Variants in PRR5 observed in about 807,000 individuals in gnomAD.
The protein encoded by PRR5 is proline-rich protein 5.
In PRR5, 25 loss-of-function variants were observed where a neutral mutation model predicts 30.6. That is an observed-to-expected ratio of 0.82 (90% CI 0.60 to 1.14). PRR5 has a LOEUF of 1.14. PRR5 is among the 50% of genes most tolerant of loss of function. The pLI, the probability that PRR5 is intolerant of heterozygous loss-of-function variation, is 0.00. For synonymous variants in PRR5, 286 were observed against 247.1 expected (o/e 1.16, Z -1.48); for missense variants, 600 against 547.1 (o/e 1.10, Z -0.96).
At chr22:44,720,230 T>TG (rs2147106878) in intron 2 of PRR5, among the ~76,000 whole-genome samples, 1 of 152,382 alleles carries the variant, frequency 6.6e-6, no homozygotes, top group African/African-American at 2.4e-5. Context: ...AGGTCTCACG[T>TG]GCAGGCCAGA....
In PRR5 at chr22:44,737,273, T is replaced by A. The variant is rs1265730163; in HGVS notation, c.*26T>A. The A allele has an allele frequency of 3.8e-6, 6 of 1,575,014 alleles. No homozygotes were observed. The highest frequency in any genetic ancestry group is 3.5e-6 in the Non-Finnish European group (4 of 1,156,536). ...GGCCTCACAGCTGGCCTTGAGTTTT[T>A]ACTGACACGTCCCTGTGTGCGGGGG... On this transcript the variant is annotated 3_prime_UTR_variant, in exon 8 of 8. Coordinates refer to ENST00000336985, the MANE Select transcript of PRR5 (RefSeq NM_181333.4).
chr22:44,731,210 CACCT>C, intron 4 of PRR5: 1 of 265,328 alleles, frequency 3.8e-6, no homozygotes, highest in South Asian at 4.3e-5. Flanking sequence ...GTGTAGGTCT[CACCT>C]GTGCCAGGTG....
At chr22:44,690,732 T>C (rs1156719072) in intron 1 of PRR5, among the ~76,000 whole-genome samples, 2 of 152,010 alleles carry the variant, frequency 1.3e-5, no homozygotes, top group Non-Finnish European at 2.9e-5. Context: ...TTATTATCAC[T>C]GAAAAAATAA....
chr22:44,715,743 C>G (rs901482496), intron 2 of PRR5, among the ~76,000 whole-genome samples: 14 of 152,144 alleles, frequency 9.2e-5, no homozygotes, highest in African/African-American at 3.4e-4. Flanking sequence ...ACCTCTGCCT[C>G]CTGGGCTGAA....
At chr22:44,681,086 C>T (rs569710975) in intron 1 of PRR5, among the ~76,000 whole-genome samples, 5 of 152,210 alleles carry the variant, frequency 3.3e-5, no homozygotes, top group African/African-American at 7.2e-5. Context: ...TCTTCTCTCT[C>T]GGCCCCTGCA....
At chr22:44,732,970 TAC>T (rs138741533) in intron 6 of PRR5, among the ~76,000 whole-genome samples, 65 of 149,214 alleles carry the variant, frequency 4.4e-4, no homozygotes, top group East Asian at 7.9e-4. Context: ...TGCACACGCA[TAC>T]ACACTACACA....
Position 44,737,513 on chromosome 22 carries a change from C to T in PRR5, c.*266C>T, listed in dbSNP as rs942512834. ...CGGGGGTCGGCCGCTCGCTCCCACG[C>T]TCCTCCTGCCCCAGCCCTCTGGTGT... On this transcript the variant is annotated 3_prime_UTR_variant, in exon 8 of 8. Transcript: ENST00000336985. 14 of 534,870 alleles carry T rather than the reference C, an allele frequency of 2.6e-5. No homozygotes were observed. The highest frequency in any genetic ancestry group is 4.3e-5 in the Non-Finnish European group (14 of 323,050). The allele number at this position is 534,870 out of a possible 1,614,324, so 33.1% of individuals were successfully genotyped here.
At position 44,697,167 on chromosome 22, in the gene PRR5, G is replaced by C. The variant is rs180757113; in HGVS notation, c.-10-5325G>C. 1.9e-3 allele frequency among the ~76,000 whole-genome samples: 291 copies of C among 152,318 alleles called. 1 individual carries two copies. The highest frequency in any genetic ancestry group is 6.8e-3 in the African/African-American group (282 of 41,566). On this transcript the variant is annotated intron_variant, in intron 1 of 8. Coordinates refer to the PRR5 transcript ENST00000006251. ...CTCAGTTTCCCCAGTCGTGAAATGG[G>C]AATAATAACAGTTGATCCTGGCTCC...
At chr22:44,718,461 C>G (rs1174218422) in intron 2 of PRR5, among the ~76,000 whole-genome samples, 1 of 152,168 alleles carries the variant, frequency 6.6e-6, no homozygotes, top group Non-Finnish European at 1.5e-5. Context: ...TCCCAAAGTG[C>G]TGGGGTTACA....
At chr22:44,673,253 C>G (rs1373601538), upstream of PRR5, among the ~76,000 whole-genome samples, 1 of 152,228 alleles carries the variant, frequency 6.6e-6, no homozygotes, top group Non-Finnish European at 1.5e-5. Context: ...CTTACAGCCC[C>G]TTTGAGTCTG....
chr22:44,707,074 C>T (rs1927330853), intron 1 of PRR5, among the ~76,000 whole-genome samples: 1 of 152,154 alleles, frequency 6.6e-6, no homozygotes. Flanking sequence ...CCTGCCATAC[C>T]CCTGGCACCC....
At chr22:44,727,645 C>T (rs1346591619) in intron 4 of PRR5, among the ~76,000 whole-genome samples, 1 of 152,208 alleles carries the variant, frequency 6.6e-6, no homozygotes, top group Non-Finnish European at 1.5e-5. Context: ...GTCCCGAACC[C>T]ATACTCTTCA....
intron 1 of PRR5, among the ~76,000 whole-genome samples, chr22:44,688,159 G>A (rs1052873735): frequency 6.7e-5 from 10 of 150,224 alleles, no homozygotes; most frequent in African/African-American, 1.5e-4. Context: ...TGAGGCAGGC[G>A]TATCACTTGA....
chr22:44,679,591 C>T (rs1197015539), intron 1 of PRR5: 10 of 458,510 alleles, frequency 2.2e-5, no homozygotes, highest in African/African-American at 5.9e-5. Flanking sequence ...CCTGTAATCC[C>T]GGCTACTCGG....
rs61604082 is a variant in PRR5 at position 44,693,795 on chromosome 22, A to ATTTTTTTTTTTTTTTTTT, written c.-10-8694_-10-8677dup. Among the ~76,000 whole-genome samples the ATTTTTTTTTTTTTTTTTT allele has an allele frequency of 2.2e-3, 179 of 79,592 alleles. 2 individuals are homozygous for ATTTTTTTTTTTTTTTTTT. The highest frequency in any genetic ancestry group is 3.0e-3 in the African/African-American group (56 of 18,488). 52.2% of individuals were successfully genotyped at this position (79,592 alleles called of 152,430 possible). A position where few individuals can be genotyped will look rare whatever the true frequency, so the allele number is the denominator to read the frequency against. Reference sequence around the variant, plus strand: ...CAGGCGCCTGCCACCACACTCGGCTATTTTTTTTTTTTTTTTTTTTGTATT... The same window carrying ATTTTTTTTTTTTTTTTTT: ...CAGGCGCCTGCCACCACACTCGGCTATTTTTTTTTTTTTTTTTTTTTTTTTTTTTTTTTTTTTTGTATT... On this transcript the variant is annotated intron_variant, in intron 1 of 8. Transcript: ENST00000006251.
chr22:44,686,155 G>A (rs936369909), intron 1 of PRR5, among the ~76,000 whole-genome samples: 9 of 152,104 alleles, frequency 5.9e-5, no homozygotes, highest in African/African-American at 2.2e-4. Flanking sequence ...TGGAGGCTGA[G>A]GCACAAGAAT....
intron 1 of PRR5, among the ~76,000 whole-genome samples, chr22:44,706,556 G>A (rs897052351): frequency 4.6e-5 from 7 of 152,106 alleles, no homozygotes; most frequent in Non-Finnish European, 8.8e-5. Flanking sequence ...TTGAGAGAGG[G>A]TCTTGCTCTG....
In PRR5 at chr22:44,686,466, A is replaced by G. The variant is rs375838896; in HGVS notation, c.-11+9226A>G. ...CTTCTCCTGCCTCAGCCTCCCGAGT[A>G]GCTGGGATTACAGGTATGTGCCACC... On this transcript the variant is annotated intron_variant, in intron 1 of 8. Transcript: ENST00000006251. Among the ~76,000 whole-genome samples, 47 of 150,774 alleles carry G rather than the reference A, an allele frequency of 3.1e-4. No homozygotes were observed. The South Asian group carries it at 9.5e-3, about 31-fold the overall frequency.
At chr22:44,672,162 C>A (rs1295728448), upstream of PRR5, among the ~76,000 whole-genome samples, 1 of 152,244 alleles carries the variant, frequency 6.6e-6, no homozygotes, top group African/African-American at 2.4e-5. Flanking sequence ...AAGCCCTCAA[C>A]TGATGCCTGT....
Sources: allele counts gnomAD v4.1 joint callset (sites outside exome capture counted in the v4.1 genomes callset), GRCh38; gene constraint gnomAD v4.1.1; transcripts MANE v1.5; gene names NCBI Gene and HGNC (gene_info 2026-07-23, HGNC 2026-07-21).